Variants in CSF1R observed in about 807,000 individuals in gnomAD.
CSF1R encodes the protein colony stimulating factor 1 receptor, also known as macrophage colony-stimulating factor 1 receptor.
CSF1R carries 40 observed loss-of-function variants against 110.0 expected under a neutral mutation model. The observed-to-expected ratio is 0.36, with a 90% CI of 0.28 to 0.47. The LOEUF (loss-of-function observed/expected upper bound fraction) is 0.47, where lower values mean the gene tolerates loss of function less well. CSF1R is among the 20% of genes least tolerant of loss of function. The pLI is 0.99. For synonymous variants in CSF1R, 523 were observed against 503.4 expected, an observed-to-expected ratio of 1.04 and a Z score of -0.52; for missense variants, 1,052 against 1,253.0, an observed-to-expected ratio of 0.84 and a Z score of 2.42.
chr5:150,076,099 C>T (rs983290286), intron 5 of CSF1R, among the ~76,000 whole-genome samples: 4 of 152,230 alleles, frequency 2.6e-5, no homozygotes, highest in African/African-American at 9.6e-5. Flanking sequence ...CTGCCTGCAC[C>T]CAATCACCAT....
chr5:150,103,924 GGTGCACCT>G (rs1759474517), intron 1 of CSF1R, among the ~76,000 whole-genome samples: 1 of 152,102 alleles, frequency 6.6e-6, no homozygotes, highest in Non-Finnish European at 1.5e-5. Context: ...CCTCTAGAGG[GGTGCACCT>G]CCAAGTGCAG....
intron 9 of CSF1R, among the ~76,000 whole-genome samples, chr5:150,069,049 G>A (rs150858515): frequency 5.9e-5 from 9 of 152,320 alleles, no homozygotes; most frequent in East Asian, 1.9e-4. Context: ...AGTGCCTGGC[G>A]CAGCAGAAGC....
chr5:150,085,277 G>GAAAAAAAAACAAAAAAAA (rs1758787110), intron 1 of CSF1R, among the ~76,000 whole-genome samples: 1 of 92,470 alleles, frequency 1.1e-5, no homozygotes, highest in Non-Finnish European at 2.0e-5. Flanking sequence ...TCTGTCTCAG[G>GAAAAAAAAACAAAAAAAA]AAAAAAAAAA....
chr5:150,081,876 T>C (rs531732497), intron 1 of CSF1R, among the ~76,000 whole-genome samples: 1 of 152,306 alleles, frequency 6.6e-6, no homozygotes, highest in African/African-American at 2.4e-5. Context: ...AGAAGGCCCG[T>C]TGCCTCTGCA....
At chr5:150,069,546 C>T (rs932548475) in intron 9 of CSF1R, among the ~76,000 whole-genome samples, 11 of 152,102 alleles carry the variant, frequency 7.2e-5, no homozygotes, top group African/African-American at 1.4e-4. Context: ...GCATAGGGCA[C>T]GTCCCTGGCA....
chr5:150,056,640 C>T (rs990809166), intron 16 of CSF1R, among the ~76,000 whole-genome samples: 4 of 152,104 alleles, frequency 2.6e-5, no homozygotes, highest in Admixed American at 6.5e-5. Flanking sequence ...GGCTTCCGTG[C>T]AGAGAGCAGT....
chr5:150,092,441 T>TC (rs1759075019), intron 1 of CSF1R, among the ~76,000 whole-genome samples: 1 of 152,292 alleles, frequency 6.6e-6, no homozygotes, highest in East Asian at 1.9e-4. Flanking sequence ...CATGTTTTTT[T>TC]CCTATACCTA....
rs1452088406 is a variant in CSF1R at position 150,069,933 on chromosome 5, C to G, written c.1450G>C (p.Glu484Gln). The change falls in exon 9 of 21, where the codon GAG becomes CAG. Residue 484 changes from glutamate to glutamine, a missense_variant. By Grantham distance (29) the Glu-to-Gln change is conservative. This residue lies in a region of CSF1R where 693 missense variants were observed against 735.4 expected (regional missense o/e 0.94). Transcript: ENST00000675795. ...CCCACGCTGTTGTGGGCCCTGCACT[C>G]GTAGGTTTGGTTGTGCTCTAAGGTC... ...VETLEHNQTY[E>Q]CRAHNSVGSG... is the part of the protein sequence containing the mutation. 1.9e-6 allele frequency: 3 copies of G among 1,614,014 alleles called. No homozygotes were observed. Among genetic ancestry groups the G allele is most frequent in the South Asian group, 1.1e-5 (1 of 91,074 alleles).
Position 150,100,483 on chromosome 5 carries a change from G to C in CSF1R, c.-181+12778C>G, listed in dbSNP as rs150400810. Among the ~76,000 whole-genome samples, 226 of 151,876 alleles carry C rather than the reference G, an allele frequency of 1.5e-3. 1 individual carries two copies. The highest frequency in any genetic ancestry group is 5.2e-3 in the African/African-American group (217 of 41,418). The stretch of plus-strand genomic sequence containing the variant: ...CAGCTAATTTCTTGTATTTTTAGTG[G>C]AGACGGGCTTTCACCGTGTGGCTAA... On this transcript the variant is annotated intron_variant, in intron 1 of 21. Coordinates refer to the CSF1R transcript ENST00000286301.
upstream of CSF1R, among the ~76,000 whole-genome samples, chr5:150,087,498 A>G (rs1758887993): frequency 1.3e-5 from 2 of 152,244 alleles, no homozygotes; most frequent in Admixed American, 6.5e-5. Context: ...AACAGCTACC[A>G]AATGGTGGAG....
Position 150,073,334 on chromosome 5 carries a change from T to C in CSF1R, c.1049A>G (p.Lys350Arg). The C allele has an allele frequency of 6.2e-7, 1 of 1,614,010 alleles. No homozygotes were observed. The highest frequency in any genetic ancestry group is 8.5e-7 in the Non-Finnish European group (1 of 1,179,978). ...GTCCTTGGTGGTAGCATTAGCAAGC[T>C]TGGGCTCAGGCTGGTGGTCAGAAAA... ...GPFSDHQPEP[K>R]LANATTKDTY... The change falls in exon 6 of 21, where the codon AAG becomes AGG. Residue 350 changes from lysine to arginine, a missense_variant. This residue lies in a region of CSF1R where 693 missense variants were observed against 735.4 expected (regional missense o/e 0.94). Coordinates refer to ENST00000675795, the MANE Select transcript of CSF1R (RefSeq NM_001288705.3).
chr5:150,056,932 T>C (rs1179521754), intron 16 of CSF1R, among the ~76,000 whole-genome samples: 4 of 152,178 alleles, frequency 2.6e-5, no homozygotes, highest in Non-Finnish European at 5.9e-5. Flanking sequence ...ATACGTTATC[T>C]AATATCCCCA....
rs1758470912 is a variant in CSF1R, at chr5:150,080,260, C to T, written c.384G>A (p.Leu128=). ...FEDQDALLPC[L]LTDPVLEAGV... is the part of the protein sequence containing the mutation. ...CTGCTTCCAGCACCGGGTCTGTGAG[C>T]AGACAGGGCAGTAGTGCGTCCTGGT... The change falls in exon 3 of 21, where the codon CTG becomes CTA. Residue 128 remains leucine (L), a synonymous_variant. Coordinates refer to ENST00000675795, the MANE Select transcript of CSF1R (RefSeq NM_001288705.3). The T allele has an allele frequency of 6.2e-7, 1 of 1,614,044 alleles. No individual in the cohort carries two copies. The highest frequency in any genetic ancestry group is 8.5e-7 in the Non-Finnish European group (1 of 1,180,046).
chr5:150,059,894 G>C (rs1161761722), intron 13 of CSF1R, 32 bp from the exon 14 acceptor site: 1 of 1,586,702 alleles, frequency 6.3e-7, no homozygotes, highest in Admixed American at 1.7e-5. Flanking sequence ...GGTGAGGGAG[G>C]TGCTGAGTGC....
rs200927456 is a variant in CSF1R at position 150,053,835 on chromosome 5, AG to A, written c.*233del. 1.5e-4 allele frequency: 75 copies of A among 503,390 alleles called. No individual in the cohort carries two copies. The highest frequency in any genetic ancestry group is 4.8e-4 in the Middle Eastern group (1 of 2,064). 31.2% of individuals were successfully genotyped at this position (503,390 alleles called of 1,614,324 possible). The stretch of plus-strand genomic sequence containing the variant: ...GCCAACACCATGAGAACAGTAGGGG[AG>A]GGGGGGGTGAGGGCTCAGCCCCCAG... On this transcript the variant is annotated 3_prime_UTR_variant, in exon 21 of 21. Coordinates refer to ENST00000675795, the MANE Select transcript of CSF1R (RefSeq NM_001288705.3).
At position 150,059,741 on chromosome 5, in the gene CSF1R, G is replaced by A. The variant is rs745369948; in HGVS notation, c.2091C>T (p.Val697=). ...LSPGQDPEGG[V]DYKNIHLEKK... Reference sequence around the variant, plus strand: ...TCTCGAGGTGGATGTTCTTATAGTCGACGCCTCCCTCGGGGTCCTGGCCGG... The same window carrying A: ...TCTCGAGGTGGATGTTCTTATAGTCAACGCCTCCCTCGGGGTCCTGGCCGG... The change falls in exon 14 of 21, where the codon GTC becomes GTT. Residue 697 remains valine (V), a synonymous_variant. Transcript: ENST00000675795. 1.7e-5 allele frequency: 27 copies of A among 1,614,104 alleles called. No individual in the cohort carries two copies. The highest frequency in any genetic ancestry group is 1.2e-4 in the South Asian group (11 of 91,070).
intron 1 of CSF1R, among the ~76,000 whole-genome samples, chr5:150,102,718 G>C (rs544509990): frequency 7.9e-5 from 12 of 152,328 alleles, no homozygotes; most frequent in African/African-American, 2.9e-4. Flanking sequence ...GACCTCAAGT[G>C]ATCTGCATGC....
At chr5:150,113,298 C>G (rs1188864715) in exon 1 of CSF1R, 3 of 156,858 alleles carry the variant, frequency 1.9e-5, no homozygotes, top group African/African-American at 7.2e-5. Context: ...TCTTCCTCTT[C>G]CTCTTCCTCT....
chr5:150,078,260 G>A lies in CSF1R; in HGVS notation c.593-12C>T. 1 of 1,613,898 alleles carries A rather than the reference G, an allele frequency of 6.2e-7. No homozygotes were observed. Among genetic ancestry groups the A allele is most frequent in the Non-Finnish European group, 8.5e-7 (1 of 1,179,916 alleles). On this transcript the variant is annotated splice_polypyrimidine_tract_variant and intron_variant, in intron 3 of 20. Coordinates refer to ENST00000675795, the MANE Select transcript of CSF1R (RefSeq NM_001288705.3). ...GGGCCCTGGGATGACTGAGACCGGGGGAGAGACCCCTGAACACCCAGGCTC... is the reference window on the plus strand; with the variant it reads ...GGGCCCTGGGATGACTGAGACCGGGAGAGAGACCCCTGAACACCCAGGCTC...
Sources: gnomAD v4.1 joint callset for allele counts (sites outside exome capture counted in the v4.1 genomes callset) on GRCh38, gnomAD v4.1.1 for gene constraint, gnomAD v4.1.1 regional missense constraint, MANE v1.5 for transcripts, NCBI Gene and HGNC (gene_info 2026-07-23, HGNC 2026-07-21) for gene names.